Variants in GPR35 observed in about 807,000 individuals in gnomAD.
GPR35 encodes the protein G protein-coupled receptor 35.
For synonymous variants in GPR35, 207 were observed against 198.4 expected, an observed-to-expected ratio of 1.04 and a Z score of -0.36; for missense variants, 372 against 422.5, an observed-to-expected ratio of 0.88 and a Z score of 1.05.
At chr2:240,611,267 C>T (rs1411760402) in intron 2 of GPR35, among the ~76,000 whole-genome samples, 1 of 152,132 alleles carries the variant, frequency 6.6e-6, no homozygotes, top group Non-Finnish European at 1.5e-5. Flanking sequence ...CGTGCCTGGC[C>T]AATAGTCTTT....
upstream of GPR35, chr2:240,625,421 C>G (rs932365573): frequency 1.3e-5 from 13 of 985,544 alleles, no homozygotes; most frequent in East Asian, 1.1e-4. Context: ...GCCCGCCCCC[C>G]CACCTTAAGG....
At chr2:240,625,966 G>A (rs2043369609) in intron 1 of GPR35, among the ~76,000 whole-genome samples, 1 of 105,054 alleles carries the variant, frequency 9.5e-6, no homozygotes, top group African/African-American at 3.1e-5. Context: ...AGCAGGGTGA[G>A]GCTGTGATGG....
At chr2:240,616,055 C>T (rs1394836032) in intron 2 of GPR35, among the ~76,000 whole-genome samples, 6 of 152,138 alleles carry the variant, frequency 3.9e-5, no homozygotes, top group Admixed American at 3.9e-4. Context: ...CCACCCTTAG[C>T]CTCCTCCACG....
At position 240,625,531 on chromosome 2, in the gene GPR35, G is replaced by C; in HGVS notation, c.-42G>C. On this transcript the variant is annotated 5_prime_UTR_variant, in exon 1 of 2. Transcript: ENST00000407714. The stretch of plus-strand genomic sequence containing the variant: ...CACTGTGCAGGCTTTGGCAGCGGGG[G>C]TCACACACTCCACCCGGGAGGCCAA... 1.0e-6 allele frequency: 1 copy of C among 986,008 alleles called. No individual in the cohort carries two copies. The highest frequency in any genetic ancestry group is 1.7e-5 in the African/African-American group (1 of 57,360). The allele number at this position is 986,008 out of a possible 1,614,324, so 61.1% of individuals were successfully genotyped here.
At chr2:240,627,210 G>T (rs1440235093) in intron 1 of GPR35, among the ~76,000 whole-genome samples, 1 of 152,208 alleles carries the variant, frequency 6.6e-6, no homozygotes. Context: ...TTCCTGTGCG[G>T]GACTGGGGCA....
At chr2:240,621,634 C>A (rs558960790), upstream of GPR35, among the ~76,000 whole-genome samples, 1 of 152,322 alleles carries the variant, frequency 6.6e-6, no homozygotes, top group Non-Finnish European at 1.5e-5. Context: ...AGCTTCACTG[C>A]AAAAGGAGTC....
chr2:240,624,379 G>A (rs1163826352), upstream of GPR35, among the ~76,000 whole-genome samples: 4 of 152,214 alleles, frequency 2.6e-5, no homozygotes, highest in African/African-American at 7.2e-5. Context: ...AGGGCAGGAA[G>A]GACAGCAGGA....
chr2:240,630,320 G>A lies in GPR35; in HGVS notation c.368G>A (p.Arg123His), dbSNP rs764719319. The A allele has an allele frequency of 1.8e-5, 29 of 1,590,336 alleles. No individual in the cohort carries two copies. The highest frequency in any genetic ancestry group is 3.3e-4 in the Middle Eastern group (2 of 5,992). The change falls in exon 2 of 2, where the codon CGT becomes CAT. Residue 123 changes from arginine (R) to histidine (H), a missense_variant. Physicochemically the swap from Arg to His is conservative, Grantham distance 29. Transcript: ENST00000407714. ...DRYVAVRHPL[R>H]ARGLRSPRQA... Reference sequence around the variant, plus strand: ...TATGTGGCCGTGCGGCACCCGCTGCGTGCCCGCGGGCTGCGGTCCCCCAGG... The same window carrying A: ...TATGTGGCCGTGCGGCACCCGCTGCATGCCCGCGGGCTGCGGTCCCCCAGG...
chr2:240,613,253 A>C (rs1412806963), intron 2 of GPR35, among the ~76,000 whole-genome samples: 1 of 152,130 alleles, frequency 6.6e-6, no homozygotes, highest in Non-Finnish European at 1.5e-5. Context: ...CCAGGCCTTC[A>C]AGATGAGGAG....
chr2:240,630,847 A>G lies in GPR35; in HGVS notation c.895A>G (p.Lys299Glu), dbSNP rs775542893. Residue 299 changes from lysine (K) to glutamate (E), a missense_variant, in exon 2 of 2, where the codon AAA becomes GAA. Physicochemically the swap from Lys to Glu is moderately conservative, Grantham distance 56 (BLOSUM62 1). Coordinates refer to ENST00000407714, the MANE Select transcript of GPR35 (RefSeq NM_005301.5). Reference sequence around the variant, plus strand: ...CGTGGCTCCCAGTGCTAAGGCCCACAAAAGCCAGGACTCTCTGTGCGTGAC... The same window carrying G: ...CGTGGCTCCCAGTGCTAAGGCCCACGAAAGCCAGGACTCTCTGTGCGTGAC... Reference protein sequence around the residue: ...LAVAPSAKAHKSQDSLCVTLA With the variant: ...LAVAPSAKAHESQDSLCVTLA 2.7e-5 allele frequency: 44 copies of G among 1,612,816 alleles called. No individual in the cohort carries two copies. The highest frequency in any genetic ancestry group is 3.6e-5 in the Non-Finnish European group (42 of 1,179,894).
chr2:240,610,620 G>A (rs549963690), intron 2 of GPR35, among the ~76,000 whole-genome samples: 2 of 151,756 alleles, frequency 1.3e-5, no homozygotes, highest in South Asian at 2.1e-4. Flanking sequence ...GGCACCACAC[G>A]TGGCTAAGTT....
chr2:240,625,120 T>C (rs559570384), upstream of GPR35: 118 of 288,856 alleles, frequency 4.1e-4, no homozygotes, highest in Middle Eastern at 5.2e-3. Flanking sequence ...CCGCAGACCC[T>C]GGGAGGGCTG....
intron 2 of GPR35, among the ~76,000 whole-genome samples, chr2:240,608,937 C>T (rs1265680587): frequency 6.6e-6 from 1 of 152,092 alleles, no homozygotes; most frequent in Non-Finnish European, 1.5e-5. Flanking sequence ...TTTTATTTTT[C>T]TTGTGTAAAT....
chr2:240,625,764 T>G (rs2043364451), intron 1 of GPR35, among the ~76,000 whole-genome samples, 196 bp downstream of exon 1: 1 of 133,424 alleles, frequency 7.5e-6, no homozygotes, highest in Non-Finnish European at 1.6e-5. Flanking sequence ...GGTGAGGCTG[T>G]GATGGGGGTC....
At chr2:240,624,156 G>A (rs2043341744), upstream of GPR35, among the ~76,000 whole-genome samples, 1 of 152,164 alleles carries the variant, frequency 6.6e-6, no homozygotes, top group Admixed American at 6.5e-5. Flanking sequence ...ACGGCGGCCG[G>A]GCTTGGACTG....
Position 240,625,537 on chromosome 2 carries a change from C to T in GPR35, c.-36C>T, listed in dbSNP as rs1406150284. The T allele has an allele frequency of 1.0e-5, 10 of 986,040 alleles. No homozygotes were observed. The highest frequency in any genetic ancestry group is 1.1e-5 in the Non-Finnish European group (9 of 830,368). The allele number at this position is 986,040 out of a possible 1,614,324, so 61.1% of individuals were successfully genotyped here. A position where few individuals can be genotyped will look rare whatever the true frequency, so the allele number is the denominator to read the frequency against. ...GCAGGCTTTGGCAGCGGGGGTCACA[C>T]ACTCCACCCGGGAGGCCAAAGCTGC... On this transcript the variant is annotated 5_prime_UTR_variant, in exon 1 of 2. Coordinates refer to ENST00000407714, the MANE Select transcript of GPR35 (RefSeq NM_005301.5).
upstream of GPR35, among the ~76,000 whole-genome samples, chr2:240,621,591 G>A (rs773275657): frequency 1.3e-5 from 2 of 152,188 alleles, no homozygotes; most frequent in East Asian, 1.9e-4. Flanking sequence ...TGCAAAGGAC[G>A]CATGAGGATC....
chr2:240,633,036 T>A lies in GPR35; in HGVS notation c.*2154T>A, dbSNP rs2043465983. ...AGGGGCTCTTCCCTTCACTTCTCCT[T>A]CCTACTGTCTTATGAAGAAGGTTCC... is the stretch of plus-strand genomic sequence containing the variant. On this transcript the variant is annotated 3_prime_UTR_variant, in exon 2 of 2. Coordinates refer to ENST00000407714, the MANE Select transcript of GPR35 (RefSeq NM_005301.5). Among the ~76,000 whole-genome samples, 1 of 152,168 alleles carries A rather than the reference T, an allele frequency of 6.6e-6. No individual in the cohort carries two copies. The highest frequency in any genetic ancestry group is 2.4e-5 in the African/African-American group (1 of 41,434).
At chr2:240,625,692 G>T in intron 1 of GPR35, 124 bp downstream of exon 1, 1 of 289,722 alleles carries the variant, frequency 3.5e-6, no homozygotes, top group Non-Finnish European at 5.4e-6. Context: ...GTCTCAGAGT[G>T]GGGTGAGGCT....
Sources: gnomAD v4.1 joint callset for allele counts (sites outside exome capture counted in the v4.1 genomes callset) on GRCh38, gnomAD v4.1.1 for gene constraint, MANE v1.5 for transcripts, NCBI Gene and HGNC (gene_info 2026-07-23, HGNC 2026-07-21) for gene names.